Variants in PCDHB16 observed in about 807,000 individuals in gnomAD.
PCDHB16 encodes protocadherin beta 16.
For synonymous variants in PCDHB16, 444 were observed against 436.5 expected (o/e 1.02, Z -0.21); for missense variants, 1,026 against 989.9 (o/e 1.04, Z -0.49).
Position 141,183,057 on chromosome 5 carries a change from T to C in PCDHB16, c.498T>C (p.Asn166=). Residue 166 remains asparagine, a synonymous_variant, in exon 1 of 1, where the codon AAT becomes AAC. Coordinates refer to ENST00000609684, the MANE Select transcript of PCDHB16 (RefSeq NM_020957.4). ...TGGACTTGGACGTAGGAAGCAATAA[T>C]GTTCAAAACTATAAAATCAGCCCAA... ...HALDLDVGSN[N]VQNYKISPSS... is the part of the protein sequence containing the mutation. 1.2e-6 allele frequency: 2 copies of C among 1,614,234 alleles called. No individual in the cohort carries two copies. The highest frequency in any genetic ancestry group is 1.7e-6 in the Non-Finnish European group (2 of 1,180,044).
chr5:141,182,446 C>A lies in PCDHB16; in HGVS notation c.-114C>A. 1 of 894,274 alleles carries A rather than the reference C, an allele frequency of 1.1e-6. No individual in the cohort carries two copies. Among genetic ancestry groups the A allele is most frequent in the Non-Finnish European group, 1.6e-6 (1 of 613,130 alleles). The allele number at this position is 894,274 out of a possible 1,614,324, so 55.4% of individuals were successfully genotyped here. On this transcript the variant is annotated 5_prime_UTR_variant, in exon 1 of 1. Coordinates refer to ENST00000609684, the MANE Select transcript of PCDHB16 (RefSeq NM_020957.4). ...GCCAGAGCGAACGTGAGTGTGAAAC[C>A]TCTTTAAGACACCGTTGGGCTGCTT...
rs1257090945 is a variant in PCDHB16 at position 141,184,733 on chromosome 5, G to T, written c.2174G>T (p.Cys725Phe). The change falls in exon 1 of 1, where the codon TGC becomes TTC. Residue 725 changes from cysteine to phenylalanine, a missense_variant. Cys to Phe is a radical substitution (Grantham distance 205, BLOSUM62 -2). Transcript: ENST00000609684. The part of the protein sequence containing the change: ...RRSRAASVGR[C>F]SMPEGPFPGR... Reference sequence around the variant, plus strand: ...AGCAGGGCGGCCTCGGTGGGCCGCTGCTCGATGCCTGAGGGCCCCTTTCCA... The same window carrying T: ...AGCAGGGCGGCCTCGGTGGGCCGCTTCTCGATGCCTGAGGGCCCCTTTCCA... 6.2e-7 allele frequency: 1 copy of T among 1,614,094 alleles called. No individual in the cohort carries two copies. Among genetic ancestry groups the T allele is most frequent in the Non-Finnish European group, 8.5e-7 (1 of 1,180,030 alleles).
rs371816664 is a variant in PCDHB16, at chr5:141,183,512, G to A, written c.953G>A (p.Arg318His). ...GAAATGGTTACGTCTTATGAAGTGC[G>A]CATCAAAGCCACAGATGGGGGAGGT... Reference protein sequence around the residue: ...DFEMVTSYEVRIKATDGGGLS... With the variant: ...DFEMVTSYEVHIKATDGGGLS... The change falls in exon 1 of 1, where the codon CGC (arginine) becomes CAC (histidine). Residue 318 changes from arginine (R) to histidine (H), a missense_variant. Physicochemically the swap from Arg to His is conservative, Grantham distance 29. Coordinates refer to ENST00000609684, the MANE Select transcript of PCDHB16 (RefSeq NM_020957.4). 15 of 1,614,098 alleles carry A rather than the reference G, an allele frequency of 9.3e-6. No homozygotes were observed. The highest frequency in any genetic ancestry group is 1.3e-5 in the African/African-American group (1 of 74,948).
rs201229062 is a variant in PCDHB16 at position 141,183,318 on chromosome 5, G to C, written c.759G>C (p.Glu253Asp). ...CCATCTACAAAGTGCAGATTCCAGA[G>C]AACAGTCCTCTTGGCTCCCTGGTTG... is the stretch of plus-strand genomic sequence containing the variant. ...EQPIYKVQIP[E>D]NSPLGSLVAT... Residue 253 changes from glutamate to aspartate, a missense_variant, in exon 1 of 1, where the codon GAG (glutamate) becomes GAC (aspartate). Transcript: ENST00000609684. 1.9e-5 allele frequency: 30 copies of C among 1,614,186 alleles called. No individual in the cohort carries two copies. In the East Asian group the frequency reaches 5.1e-4, roughly 28 times the overall value.
chr5:141,186,093 C>A lies in PCDHB16; in HGVS notation c.*1203C>A. On this transcript the variant is annotated 3_prime_UTR_variant, in exon 1 of 1. Coordinates refer to ENST00000609684, the MANE Select transcript of PCDHB16 (RefSeq NM_020957.4). ...TGGCTTTTATATTCATCATAGTATACATTGGCGGTATCTAGCCCTTTCTCT... is the reference window on the plus strand; with the variant it reads ...TGGCTTTTATATTCATCATAGTATAAATTGGCGGTATCTAGCCCTTTCTCT... The A allele has an allele frequency of 1.0e-5, 10 of 999,548 alleles. No homozygotes were observed. Among genetic ancestry groups the A allele is most frequent in the Non-Finnish European group, 1.2e-5 (10 of 829,460 alleles). The allele number at this position is 999,548 out of a possible 1,614,324, so 61.9% of individuals were successfully genotyped here.
At position 141,183,049 on chromosome 5, in the gene PCDHB16, A is replaced by G; in HGVS notation, c.490A>G (p.Ser164Gly). Residue 164 changes from serine to glycine, a missense_variant, in exon 1 of 1, where the codon AGC (serine) becomes GGC (glycine). Ser to Gly is a moderately conservative substitution (Grantham distance 56). Coordinates refer to ENST00000609684, the MANE Select transcript of PCDHB16 (RefSeq NM_020957.4). The part of the protein sequence containing the change: ...LNHALDLDVG[S>G]NNVQNYKISP... Reference sequence around the variant, plus strand: ...TCATGCTTTGGACTTGGACGTAGGAAGCAATAATGTTCAAAACTATAAAAT... The same window carrying G: ...TCATGCTTTGGACTTGGACGTAGGAGGCAATAATGTTCAAAACTATAAAAT... The G allele has an allele frequency of 6.2e-7, 1 of 1,614,236 alleles. No homozygotes were observed. Among genetic ancestry groups the G allele is most frequent in the South Asian group, 1.1e-5 (1 of 91,088 alleles).
At position 141,182,668 on chromosome 5, in the gene PCDHB16, G is replaced by A. The variant is rs1588358710; in HGVS notation, c.109G>A (p.Glu37Lys). ...CGAGTTGGGGTCCTATTCCGTAGTG[G>A]AAGAAACGGAGAGAGGCTCTTTTGT... ...GAELGSYSVVEETERGSFVAN... is the reference protein window; with the variant it reads ...GAELGSYSVVKETERGSFVAN... Residue 37 changes from glutamate to lysine, a missense_variant, in exon 1 of 1, where the codon GAA (glutamate) becomes AAA (lysine). By Grantham distance (56) the Glu-to-Lys change is moderately conservative (BLOSUM62 1). Transcript: ENST00000609684. 6.2e-7 allele frequency: 1 copy of A among 1,608,526 alleles called. No individual in the cohort carries two copies. Among genetic ancestry groups the A allele is most frequent in the South Asian group, 1.1e-5 (1 of 90,494 alleles).
chr5:141,183,724 C>A lies in PCDHB16; in HGVS notation c.1165C>A (p.Leu389Ile), dbSNP rs1554282205. 6.2e-6 allele frequency: 10 copies of A among 1,614,182 alleles called. No homozygotes were observed. The South Asian group carries it at 1.1e-4, about 18-fold the overall frequency. The change falls in exon 1 of 1, where the codon CTT becomes ATT. Residue 389 changes from leucine (L) to isoleucine (I), a missense_variant. Leu to Ile is a conservative substitution (Grantham distance 5, BLOSUM62 2). Coordinates refer to ENST00000609684, the MANE Select transcript of PCDHB16 (RefSeq NM_020957.4). Reference protein sequence around the residue: ...GKTISSIQEDLPFLLKPSVKN... With the variant: ...GKTISSIQEDIPFLLKPSVKN... ...GACGATTTCCTCCATCCAGGAAGAC[C>A]TTCCCTTTCTTCTAAAACCTTCAGT...
Position 141,183,701 on chromosome 5 carries a change from C to A in PCDHB16, c.1142C>A (p.Thr381Lys), listed in dbSNP as rs1554282198. Reference sequence around the variant, plus strand: ...CCTGACTCCGGAAACAATGGGAAGACGATTTCCTCCATCCAGGAAGACCTT... The same window carrying A: ...CCTGACTCCGGAAACAATGGGAAGAAGATTTCCTCCATCCAGGAAGACCTT... ...SDPDSGNNGK[T>K]ISSIQEDLPF... Residue 381 changes from threonine (T) to lysine (K), a missense_variant, in exon 1 of 1, where the codon ACG becomes AAG. By Grantham distance (78) the Thr-to-Lys change is moderately conservative. Coordinates refer to ENST00000609684, the MANE Select transcript of PCDHB16 (RefSeq NM_020957.4). 1.2e-6 allele frequency: 2 copies of A among 1,614,070 alleles called. No individual in the cohort carries two copies. The highest frequency in any genetic ancestry group is 1.3e-5 in the African/African-American group (1 of 74,918).
At position 141,183,530 on chromosome 5, in the gene PCDHB16, G is replaced by T. The variant is rs1554282168; in HGVS notation, c.971G>T (p.Gly324Val). The change falls in exon 1 of 1, where the codon GGG (glycine) becomes GTG (valine). Residue 324 changes from glycine to valine, a missense_variant. By Grantham distance (109) the Gly-to-Val change is moderately radical. Coordinates refer to ENST00000609684, the MANE Select transcript of PCDHB16 (RefSeq NM_020957.4). ...GAAGTGCGCATCAAAGCCACAGATG[G>T]GGGAGGTCTTTCAGGAAAGTGCACT... ...SYEVRIKATDGGGLSGKCTLL... is the reference protein window; with the variant it reads ...SYEVRIKATDVGGLSGKCTLL... The T allele has an allele frequency of 2.5e-6, 4 of 1,614,192 alleles. No individual in the cohort carries two copies. The East Asian group carries it at 6.7e-5, about 27-fold the overall frequency.
rs1372796850 is a variant in PCDHB16 at position 141,185,507 on chromosome 5, C to T, written c.*617C>T. ...CTCACTGCAACCTCTGCCTCCTGGGCCCAACGGATCCTTCCACCTCAGCCT... is the reference window on the plus strand; with the variant it reads ...CTCACTGCAACCTCTGCCTCCTGGGTCCAACGGATCCTTCCACCTCAGCCT... On this transcript the variant is annotated 3_prime_UTR_variant, in exon 1 of 1. Coordinates refer to ENST00000609684, the MANE Select transcript of PCDHB16 (RefSeq NM_020957.4). 3 of 376,238 alleles carry T rather than the reference C, an allele frequency of 8.0e-6. No individual in the cohort carries two copies. The highest frequency in any genetic ancestry group is 6.6e-5 in the African/African-American group (3 of 45,360). The allele number at this position is 376,238 out of a possible 1,614,324, so 23.3% of individuals were successfully genotyped here.
In PCDHB16 at chr5:141,182,533, T is replaced by C. The variant is rs1554281976; in HGVS notation, c.-27T>C. On this transcript the variant is annotated 5_prime_UTR_variant, in exon 1 of 1. Transcript: ENST00000609684. ...GGATCCTGGGGATACATGAAGCTTC[T>C]GTGAACCAACTTTTCAAGAAAAAGC... is the stretch of plus-strand genomic sequence containing the variant. 5.3e-6 allele frequency: 8 copies of C among 1,509,700 alleles called. No homozygotes were observed. Among genetic ancestry groups the C allele is most frequent in the Non-Finnish European group, 5.3e-6 (6 of 1,129,846 alleles). 93.5% of individuals were successfully genotyped at this position (1,509,700 alleles called of 1,614,324 possible). A position where few individuals can be genotyped will look rare whatever the true frequency, so the allele number is the denominator to read the frequency against.
rs1156393985 is a variant in PCDHB16, at chr5:141,184,587, G to A, written c.2028G>A (p.Ala676=). ...FSQPFLPLPE[A]APGQTQANSL... The stretch of plus-strand genomic sequence containing the variant: ...AGCCCTTCCTGCCGCTCCCAGAGGC[G>A]GCCCCCGGCCAGACCCAGGCCAACT... Residue 676 remains alanine (A), a synonymous_variant, in exon 1 of 1, where the codon GCG becomes GCA. Coordinates refer to ENST00000609684, the MANE Select transcript of PCDHB16 (RefSeq NM_020957.4). The A allele has an allele frequency of 6.2e-7, 1 of 1,612,294 alleles. No individual in the cohort carries two copies. The highest frequency in any genetic ancestry group is 1.1e-5 in the South Asian group (1 of 91,050).
chr5:141,184,060 G>T lies in PCDHB16; in HGVS notation c.1501G>T (p.Ala501Ser), dbSNP rs782645618. ...GCCCCAAGACCCGCACCTGCCCCTC[G>T]CCTCCCTGGTCTCCATCAACGCGGA... Reference protein sequence around the residue: ...LPPQDPHLPLASLVSINADNG... With the variant: ...LPPQDPHLPLSSLVSINADNG... Residue 501 changes from alanine to serine, a missense_variant, in exon 1 of 1, where the codon GCC becomes TCC. By Grantham distance (99) the Ala-to-Ser change is moderately conservative (BLOSUM62 1). Transcript: ENST00000609684. 6.3e-7 allele frequency: 1 copy of T among 1,596,920 alleles called. No individual in the cohort carries two copies. Among genetic ancestry groups the T allele is most frequent in the African/African-American group, 1.4e-5 (1 of 71,554 alleles).
At position 141,184,684 on chromosome 5, in the gene PCDHB16, G is replaced by T; in HGVS notation, c.2125G>T (p.Val709Leu). The stretch of plus-strand genomic sequence containing the variant: ...CTTCCTCTTTTCGGTGCTCCTGTTC[G>T]TGGCGGTGCGGCTGTGCAGGAGGAG... Reference protein sequence around the residue: ...SLFLFSVLLFVAVRLCRRSRA... With the variant: ...SLFLFSVLLFLAVRLCRRSRA... Residue 709 changes from valine to leucine, a missense_variant, in exon 1 of 1, where the codon GTG becomes TTG. Physicochemically the swap from Val to Leu is conservative, Grantham distance 32. Coordinates refer to ENST00000609684, the MANE Select transcript of PCDHB16 (RefSeq NM_020957.4). 6.2e-7 allele frequency: 1 copy of T among 1,612,282 alleles called. No individual in the cohort carries two copies. The highest frequency in any genetic ancestry group is 8.5e-7 in the Non-Finnish European group (1 of 1,178,882).
rs1160814874 is a variant in PCDHB16 at position 141,185,314 on chromosome 5, T to C, written c.*424T>C. On this transcript the variant is annotated 3_prime_UTR_variant, in exon 1 of 1. Transcript: ENST00000609684. ...CATATTTCCTATGTTACATTTCTTT[T>C]GTCTATTTTCCTTTCAAAATTGGTA... The C allele has an allele frequency of 1.1e-6, 1 of 906,180 alleles. No homozygotes were observed. Among genetic ancestry groups the C allele is most frequent in the Non-Finnish European group, 1.3e-6 (1 of 744,554 alleles). The allele number at this position is 906,180 out of a possible 1,614,324, so 56.1% of individuals were successfully genotyped here. A position where few individuals can be genotyped will look rare whatever the true frequency, so the allele number is the denominator to read the frequency against.
Position 141,184,245 on chromosome 5 carries a change from G to C in PCDHB16, c.1686G>C (p.Leu562=), listed in dbSNP as rs782659686. The C allele has an allele frequency of 6.3e-7, 1 of 1,585,618 alleles. No homozygotes were observed. The change falls in exon 1 of 1, where the codon CTG becomes CTC. Residue 562 remains leucine, a synonymous_variant. Transcript: ENST00000609684. ...CCAACGACAACTCGCCCTTCGTGCT[G>C]TACCCGCTGCAGAACGGCTCCGCGC... The part of the protein sequence containing the change: ...LDANDNSPFV[L]YPLQNGSAPC...
Position 141,185,077 on chromosome 5 carries a change from C to T in PCDHB16, c.*187C>T. The T allele has an allele frequency of 7.0e-7, 1 of 1,421,488 alleles. No homozygotes were observed. Among genetic ancestry groups the T allele is most frequent in the Non-Finnish European group, 9.2e-7 (1 of 1,086,504 alleles). The allele number at this position is 1,421,488 out of a possible 1,614,324, so 88.1% of individuals were successfully genotyped here. On this transcript the variant is annotated 3_prime_UTR_variant, in exon 1 of 1. Coordinates refer to ENST00000609684, the MANE Select transcript of PCDHB16 (RefSeq NM_020957.4). ...TTAGTTCAAATTATATTGTTAATTCCAGTTTCCCTTTTCCTCATATTTACC... is the reference window on the plus strand; with the variant it reads ...TTAGTTCAAATTATATTGTTAATTCTAGTTTCCCTTTTCCTCATATTTACC...
Position 141,184,416 on chromosome 5 carries a change from G to A in PCDHB16, c.1857G>A (p.Ala619=). 6.2e-7 allele frequency: 1 copy of A among 1,606,766 alleles called. No individual in the cohort carries two copies. Among genetic ancestry groups the A allele is most frequent in the Non-Finnish European group, 8.5e-7 (1 of 1,179,486 alleles). Residue 619 remains alanine, a synonymous_variant, in exon 1 of 1, where the codon GCG becomes GCA. Transcript: ENST00000609684. ...ATEPGLFGVW[A]HNGEVRTARL... is the part of the protein sequence containing the mutation. Reference sequence around the variant, plus strand: ...AGCCCGGGCTGTTCGGTGTGTGGGCGCACAATGGCGAGGTGCGCACCGCCA... The same window carrying A: ...AGCCCGGGCTGTTCGGTGTGTGGGCACACAATGGCGAGGTGCGCACCGCCA...
Sources: gnomAD v4.1 joint callset for allele counts on GRCh38, gnomAD v4.1.1 for gene constraint, MANE v1.5 for transcripts, NCBI Gene and HGNC (gene_info 2026-07-23, HGNC 2026-07-21) for gene names.